UBTD2: variants seen among roughly 807,000 people sequenced by gnomAD.
UBTD2 encodes ubiquitin domain containing 2.
In UBTD2, 9 loss-of-function variants were observed where a neutral mutation model predicts 19.8. That is an observed-to-expected ratio of 0.46 (90% CI 0.27 to 0.79). The LOEUF (loss-of-function observed/expected upper bound fraction) is 0.79, where lower values mean the gene tolerates loss of function less well. Ranked by LOEUF, UBTD2 falls within the 30% of genes least tolerant of loss-of-function variation. UBTD2 has a pLI of 0.14. For missense variants in UBTD2, 250 were observed against 300.4 expected (o/e 0.83, Z 1.24); for synonymous variants, 98 against 103.9 (o/e 0.94, Z 0.35).
At position 172,211,760 on chromosome 5, in the gene UBTD2, G is replaced by C. The variant is rs1581205573; in HGVS notation, c.*70C>G. On this transcript the variant is annotated 3_prime_UTR_variant, in exon 3 of 3. Transcript: ENST00000393792. ...GCAGTGAAATAGATTTCACGCCGCA[G>C]AGTAGGAAATGACAACAAGAACCAT... 1.4e-6 allele frequency: 2 copies of C among 1,472,680 alleles called. No homozygotes were observed. Among genetic ancestry groups the C allele is most frequent in the Non-Finnish European group, 9.1e-7 (1 of 1,100,650 alleles). The allele number at this position is 1,472,680 out of a possible 1,614,324, so 91.2% of individuals were successfully genotyped here.
chr5:172,234,250 G>A lies in UBTD2; in HGVS notation c.179C>T (p.Thr60Ile). ...LRSKRDEFWDTAPAFEGRKEI... is the reference protein window; with the variant it reads ...LRSKRDEFWDIAPAFEGRKEI... Reference sequence around the variant, plus strand: ...TTTCCGGCCTTCAAAAGCTGGTGCTGTATCCCAAAATTCATCCCTCTTGCT... The same window carrying A: ...TTTCCGGCCTTCAAAAGCTGGTGCTATATCCCAAAATTCATCCCTCTTGCT... The change falls in exon 2 of 3, where the codon ACA becomes ATA. Residue 60 changes from threonine (T) to isoleucine (I), a missense_variant. Transcript: ENST00000393792. The A allele has an allele frequency of 6.2e-7, 1 of 1,614,180 alleles. No individual in the cohort carries two copies. The highest frequency in any genetic ancestry group is 1.1e-5 in the South Asian group (1 of 91,084).
chr5:172,262,943 T>A (rs1755302374), intron 1 of UBTD2, among the ~76,000 whole-genome samples: 1 of 152,134 alleles, frequency 6.6e-6, no homozygotes, highest in African/African-American at 2.4e-5. Flanking sequence ...AGTTTTTTGT[T>A]GTTTTATTTT....
At chr5:172,275,175 G>T (rs1241611564) in intron 1 of UBTD2, among the ~76,000 whole-genome samples, 1 of 152,204 alleles carries the variant, frequency 6.6e-6, no homozygotes, top group Non-Finnish European at 1.5e-5. Context: ...TGTTCACATG[G>T]CAGGAGGAAG....
At chr5:172,282,873 C>T (rs1303718146) in intron 1 of UBTD2, among the ~76,000 whole-genome samples, 6 of 152,094 alleles carry the variant, frequency 3.9e-5, no homozygotes, top group Non-Finnish European at 8.8e-5. Flanking sequence ...AGTCAGGGTC[C>T]AACTGCACTT....
At chr5:172,281,750 A>G (rs1755720794) in intron 1 of UBTD2, among the ~76,000 whole-genome samples, 1 of 152,172 alleles carries the variant, frequency 6.6e-6, no homozygotes. Flanking sequence ...AATTCCAGAA[A>G]TAATCCTTTT....
At chr5:172,264,561 T>TAAA (rs61132221) in intron 1 of UBTD2, among the ~76,000 whole-genome samples, 1 of 107,992 alleles carries the variant, frequency 9.3e-6, no homozygotes, top group Non-Finnish European at 2.0e-5. Flanking sequence ...ATTAAAAAAT[T>TAAA]AAAAAAAAAA....
chr5:172,242,433 G>C, intron 1 of UBTD2: 1 of 985,322 alleles, frequency 1.0e-6, no homozygotes, highest in Non-Finnish European at 1.2e-6. Context: ...TTTGATGTAG[G>C]CCAGCATTTC....
intron 1 of UBTD2, among the ~76,000 whole-genome samples, chr5:172,269,904 C>T (rs1306440825): frequency 5.9e-5 from 9 of 151,382 alleles, no homozygotes; most frequent in Non-Finnish European, 1.0e-4. Context: ...GGTGAAACTC[C>T]GTCTCTACTA....
intron 2 of UBTD2, among the ~76,000 whole-genome samples, chr5:172,213,855 TG>T (rs1561847784): frequency 6.6e-6 from 1 of 152,270 alleles, no homozygotes; most frequent in East Asian, 1.9e-4. Flanking sequence ...GGCGCAATCT[TG>T]GCTCACCACA....
At chr5:172,254,423 A>T in intron 1 of UBTD2, 1 of 396,678 alleles carries the variant, frequency 2.5e-6, no homozygotes, top group Non-Finnish European at 4.7e-6. Flanking sequence ...TATGGTTGGG[A>T]CGGGAAAAGC....
At chr5:172,243,554 CTTTTT>C (rs58327908) in intron 1 of UBTD2, among the ~76,000 whole-genome samples, 1 of 101,098 alleles carries the variant, frequency 9.9e-6, no homozygotes, top group Non-Finnish European at 1.8e-5. Context: ...TGTGAGAAAC[CTTTTT>C]TTTTTTTTTT....
At chr5:172,219,512 C>A (rs569050303) in intron 2 of UBTD2, among the ~76,000 whole-genome samples, 1 of 152,170 alleles carries the variant, frequency 6.6e-6, no homozygotes, top group Non-Finnish European at 1.5e-5. Context: ...CACTTAGTAG[C>A]CATCTTGGTT....
chr5:172,237,218 C>T (rs966919861), intron 1 of UBTD2, among the ~76,000 whole-genome samples: 4 of 152,132 alleles, frequency 2.6e-5, no homozygotes, highest in African/African-American at 7.2e-5. Context: ...CTCAGCCTCT[C>T]GAGTAGCTGG....
At chr5:172,251,566 A>C (rs1423923485) in intron 1 of UBTD2, among the ~76,000 whole-genome samples, 1 of 151,764 alleles carries the variant, frequency 6.6e-6, no homozygotes, top group Non-Finnish European at 1.5e-5. Context: ...TATGGCTAGC[A>C]GCAGATTTCT....
intron 2 of UBTD2, among the ~76,000 whole-genome samples, chr5:172,232,380 G>T (rs1012629736): frequency 2.0e-5 from 3 of 150,580 alleles, no homozygotes; most frequent in Non-Finnish European, 4.4e-5. Context: ...AAATGTAGGA[G>T]GGATCACTTT....
intron 1 of UBTD2, among the ~76,000 whole-genome samples, chr5:172,250,455 G>A (rs570558863): frequency 1.3e-5 from 2 of 152,224 alleles, no homozygotes; most frequent in Admixed American, 6.5e-5. Context: ...CCTGTGTAAT[G>A]AGGAATCTAA....
intron 1 of UBTD2, chr5:172,242,518 T>TACAA (rs1772152913): frequency 2.7e-6 from 2 of 733,002 alleles, no homozygotes; most frequent in African/African-American, 3.8e-5. Flanking sequence ...TCCTTTACCC[T>TACAA]TTGTATTAAC....
At chr5:172,216,089 C>A (rs1430707346) in intron 2 of UBTD2, among the ~76,000 whole-genome samples, 1 of 152,022 alleles carries the variant, frequency 6.6e-6, no homozygotes, top group East Asian at 1.9e-4. Context: ...ATTGCTTGAA[C>A]CTGGGAGGCA....
chr5:172,273,850 C>T (rs1755552168), intron 1 of UBTD2, among the ~76,000 whole-genome samples: 3 of 152,104 alleles, frequency 2.0e-5, no homozygotes, highest in Admixed American at 6.6e-5. Context: ...CCTGCCAACC[C>T]AGAGTACCAC....
Sources: gnomAD v4.1 joint callset for allele counts (sites outside exome capture counted in the v4.1 genomes callset) on GRCh38, gnomAD v4.1.1 for gene constraint, MANE v1.5 for transcripts, NCBI Gene and HGNC (gene_info 2026-07-23, HGNC 2026-07-21) for gene names.